Variants in NT5C3A observed in about 807,000 individuals in gnomAD.
NT5C3A encodes the protein cytosolic 5'-nucleotidase 3A.
Under a neutral mutation model 40.0 loss-of-function variants are expected in NT5C3A, and 23 were observed. The ratio of observed to expected loss-of-function variants is 0.58; its 90% CI spans 0.41 to 0.81. The LOEUF is 0.81. Ranked by LOEUF, NT5C3A falls within the 40% of genes least tolerant of loss-of-function variation. NT5C3A has a pLI of 0.00. For missense variants in NT5C3A, 328 were observed against 403.0 expected (o/e 0.81, Z 1.59); for synonymous variants, 130 against 141.4 (o/e 0.92, Z 0.57).
At chr7:33,030,449 T>C (rs979358312) in intron 1 of NT5C3A, among the ~76,000 whole-genome samples, 8 of 152,200 alleles carry the variant, frequency 5.3e-5, no homozygotes, top group Non-Finnish European at 1.0e-4. Context: ...TTGAATTGTC[T>C]GAAAAATTTT....
At chr7:33,052,119 G>C (rs1486042662) in intron 1 of NT5C3A, among the ~76,000 whole-genome samples, 1 of 151,998 alleles carries the variant, frequency 6.6e-6, no homozygotes, top group Non-Finnish European at 1.5e-5. Context: ...ATATACATGT[G>C]TATTTCTTTT....
At chr7:33,015,417 G>C (rs919121428) in intron 8 of NT5C3A, among the ~76,000 whole-genome samples, 2 of 152,094 alleles carry the variant, frequency 1.3e-5, no homozygotes, top group African/African-American at 4.8e-5. Flanking sequence ...TTAAAAATCA[G>C]CCAGGTGTAG....
At chr7:33,024,912 G>A (rs147245533) in intron 2 of NT5C3A, among the ~76,000 whole-genome samples, 1,685 of 152,234 alleles carry the variant, frequency 0.011, 27 homozygotes, top group African/African-American at 0.038. Context: ...GGCCGAGGTG[G>A]GGAGATCACT....
rs6968844 is a variant in NT5C3A, at chr7:33,044,063, G to A, written c.139-17148C>T. Reference sequence around the variant, plus strand: ...TTTTTTGAGACAGAGGTTCACTCCCGTTGCCCAGTCTGGAGTACAATGGCG... The same window carrying A: ...TTTTTTGAGACAGAGGTTCACTCCCATTGCCCAGTCTGGAGTACAATGGCG... On this transcript the variant is annotated intron_variant, in intron 1 of 8. Coordinates refer to ENST00000610140, the MANE Select transcript of NT5C3A (RefSeq NM_001002010.5). 6.0e-3 allele frequency among the ~76,000 whole-genome samples: 897 copies of A among 149,272 alleles called. 8 individuals are homozygous for A. Among genetic ancestry groups the A allele is most frequent in the African/African-American group, 0.021 (854 of 40,400 alleles).
At chr7:33,029,716 T>G (rs1426721095) in intron 1 of NT5C3A, 3 of 1,282,398 alleles carry the variant, frequency 2.3e-6, no homozygotes, top group Non-Finnish European at 3.1e-6. Flanking sequence ...TCTGCTACAC[T>G]AACAAATGTA....
chr7:33,024,587 T>C (rs1403349335), intron 2 of NT5C3A, among the ~76,000 whole-genome samples: 2 of 152,252 alleles, frequency 1.3e-5, no homozygotes, highest in South Asian at 2.1e-4. Flanking sequence ...GAACAGCTGG[T>C]TAATGGTTAT....
chr7:33,055,940 G>A (rs956054501), intron 1 of NT5C3A, among the ~76,000 whole-genome samples: 8 of 151,712 alleles, frequency 5.3e-5, no homozygotes, highest in Non-Finnish European at 7.4e-5. Flanking sequence ...GCAAAGTCTT[G>A]TCTCTACAGA....
chr7:33,046,240 CTT>C (rs1040795738), intron 1 of NT5C3A: 1 of 152,156 alleles, frequency 6.6e-6, no homozygotes, highest in African/African-American at 2.4e-5. Context: ...ATTTCTTAAA[CTT>C]TGCAAAAATC....
chr7:33,037,778 T>C (rs977814115), intron 1 of NT5C3A, among the ~76,000 whole-genome samples: 4 of 152,190 alleles, frequency 2.6e-5, no homozygotes, highest in Non-Finnish European at 5.9e-5. Flanking sequence ...AGTGTGTGTA[T>C]ATATATCGAT....
intron 1 of NT5C3A, among the ~76,000 whole-genome samples, chr7:33,060,537 A>G (rs937773434): frequency 3.9e-5 from 6 of 152,006 alleles, no homozygotes; most frequent in African/African-American, 1.4e-4. Context: ...ACAACCCACT[A>G]GCAACTTCCT....
rs1251166993 is a variant in NT5C3A at position 33,062,552 on chromosome 7, G to A, written c.138+16C>T. ...GCCCCTCGCGTGCTCTGGGCGCGCC[G>A]AGCCTCCACACTCACCATCTCGATG... On this transcript the variant is annotated intron_variant, in intron 1 of 8. Transcript: ENST00000610140. 1.9e-6 allele frequency: 3 copies of A among 1,606,948 alleles called. No individual in the cohort carries two copies. Among genetic ancestry groups the A allele is most frequent in the Middle Eastern group, 2.3e-4 (1 of 4,438 alleles).
intron 2 of NT5C3A, among the ~76,000 whole-genome samples, chr7:33,024,653 T>C (rs1300286875): frequency 6.6e-6 from 1 of 152,144 alleles, no homozygotes; most frequent in Non-Finnish European, 1.5e-5. Context: ...ATGACTATAG[T>C]AAACAGTATT....
chr7:33,019,256 T>TAA (rs35312649), intron 6 of NT5C3A, among the ~76,000 whole-genome samples: 2 of 146,074 alleles, frequency 1.4e-5, no homozygotes. Context: ...ACCCTGTCTT[T>TAA]AAAAAAAAAA....
chr7:33,035,661 G>A (rs1326447969), intron 1 of NT5C3A, among the ~76,000 whole-genome samples: 1 of 152,202 alleles, frequency 6.6e-6, no homozygotes, highest in East Asian at 1.9e-4. Flanking sequence ...ATTTAAGTGT[G>A]TTATTGCTGA....
intron 7 of NT5C3A, chr7:33,017,198 AAAG>A (rs1320327147): frequency 4.5e-5 from 22 of 492,410 alleles, no homozygotes; most frequent in Middle Eastern, 5.3e-4. Flanking sequence ...AAAAAAAAAA[AAAG>A]AAGAAGTTTT....
chr7:33,029,629 C>G (rs1232761143), intron 1 of NT5C3A: 7 of 1,286,994 alleles, frequency 5.4e-6, no homozygotes, highest in Non-Finnish European at 7.1e-6. Context: ...GATGTCTTAC[C>G]TCAGGCAAAT....
intron 1 of NT5C3A, among the ~76,000 whole-genome samples, chr7:33,050,899 A>C (rs372690830): frequency 2.6e-5 from 4 of 152,218 alleles, no homozygotes; most frequent in African/African-American, 9.6e-5. Flanking sequence ...AGTGTGTCAC[A>C]ATGGCCAGAG....
intron 1 of NT5C3A, among the ~76,000 whole-genome samples, chr7:33,049,887 G>T (rs987624507): frequency 6.7e-6 from 1 of 149,178 alleles, no homozygotes; most frequent in African/African-American, 2.5e-5. Flanking sequence ...AGAGAATGGC[G>T]TGAACCCGGG....
At chr7:33,051,144 CTATTTT>C (rs891121730) in intron 1 of NT5C3A, among the ~76,000 whole-genome samples, 6 of 151,888 alleles carry the variant, frequency 4.0e-5, no homozygotes, top group African/African-American at 9.7e-5. Context: ...AATACCTGAA[CTATTTT>C]TATTTTTATT....
Sources: allele counts gnomAD v4.1 joint callset (sites outside exome capture counted in the v4.1 genomes callset), GRCh38; gene constraint gnomAD v4.1.1; transcripts MANE v1.5; gene names NCBI Gene and HGNC (gene_info 2026-07-23, HGNC 2026-07-21).